Variants in NDST4 observed in about 807,000 individuals in gnomAD.
The protein encoded by NDST4 is N-deacetylase and N-sulfotransferase 4.
Under a neutral mutation model 100.8 loss-of-function variants are expected in NDST4, and 63 were observed. That is an observed-to-expected ratio of 0.62 (90% CI 0.51 to 0.77). NDST4 has a LOEUF of 0.77. Ranked by LOEUF, NDST4 falls within the 30% of genes least tolerant of loss-of-function variation. The pLI, the probability that NDST4 is intolerant of heterozygous loss-of-function variation, is 0.00. For missense variants in NDST4, 943 were observed against 1,018.4 expected, an observed-to-expected ratio of 0.93 and a Z score of 1.01; for synonymous variants, 377 against 361.8, an observed-to-expected ratio of 1.04 and a Z score of -0.48.
At chr4:114,986,830 A>ATATATATATATATATATATTTATT (rs1553959396) in intron 2 of NDST4, among the ~76,000 whole-genome samples, 4 of 91,960 alleles carry the variant, frequency 4.3e-5, no homozygotes, top group African/African-American at 1.7e-4. Context: ...ATATATATAT[A>ATATATATATATATATATATTTATT]TATTTTAATA....
chr4:115,059,988 G>C (rs1291572972), intron 2 of NDST4, among the ~76,000 whole-genome samples: 2 of 151,832 alleles, frequency 1.3e-5, no homozygotes, highest in African/African-American at 4.8e-5. Context: ...TTAAATGTTG[G>C]TTTTCTTCTG....
intron 2 of NDST4, among the ~76,000 whole-genome samples, chr4:115,056,544 T>C (rs1728699048): frequency 6.6e-6 from 1 of 152,092 alleles, no homozygotes. Flanking sequence ...TCATAAAGCA[T>C]TGTGAAAGGC....
chr4:114,929,680 C>T (rs1051984012), intron 6 of NDST4, among the ~76,000 whole-genome samples: 1 of 152,130 alleles, frequency 6.6e-6, no homozygotes, highest in Non-Finnish European at 1.5e-5. Flanking sequence ...ATTTATAAGA[C>T]TTACTATAGT....
At chr4:114,923,489 G>C (rs1396309421) in intron 6 of NDST4, among the ~76,000 whole-genome samples, 1 of 152,096 alleles carries the variant, frequency 6.6e-6, no homozygotes, top group African/African-American at 2.4e-5. Context: ...CTTCAGTAGA[G>C]TGAAACCTCA....
chr4:115,066,110 T>C (rs1283478927), intron 2 of NDST4, among the ~76,000 whole-genome samples: 1 of 152,200 alleles, frequency 6.6e-6, no homozygotes, highest in Non-Finnish European at 1.5e-5. Flanking sequence ...TTCTGCCTTG[T>C]AATGCAGATA....
chr4:115,085,190 G>A (rs1394807508), intron 1 of NDST4, among the ~76,000 whole-genome samples: 1 of 152,174 alleles, frequency 6.6e-6, no homozygotes, highest in Non-Finnish European at 1.5e-5. Context: ...CGTGGGGCCT[G>A]TAGCCTCTAT....
chr4:115,055,533 T>C (rs988615088), intron 2 of NDST4, among the ~76,000 whole-genome samples: 6 of 152,164 alleles, frequency 3.9e-5, no homozygotes, highest in Non-Finnish European at 7.3e-5. Flanking sequence ...TGTTTATTCA[T>C]TTGATAGCAA....
intron 1 of NDST4, among the ~76,000 whole-genome samples, chr4:115,098,389 G>C (rs1237405492): frequency 6.6e-6 from 1 of 152,142 alleles, no homozygotes; most frequent in East Asian, 1.9e-4. Context: ...AACTAAGAGG[G>C]TGGATTAAAG....
At chr4:115,074,962 C>T (rs1279916873) in intron 2 of NDST4, among the ~76,000 whole-genome samples, 2 of 152,040 alleles carry the variant, frequency 1.3e-5, no homozygotes, top group Non-Finnish European at 2.9e-5. Flanking sequence ...AGTAAAAGAT[C>T]AGGTGAGAGT....
At chr4:114,873,210 A>G (rs1724186561) in intron 6 of NDST4, among the ~76,000 whole-genome samples, 1 of 151,856 alleles carries the variant, frequency 6.6e-6, no homozygotes, top group Non-Finnish European at 1.5e-5. Flanking sequence ...GTATATTCAA[A>G]TCTTTTATTT....
At chr4:115,031,448 T>G (rs1578469049) in intron 2 of NDST4, among the ~76,000 whole-genome samples, 1 of 152,088 alleles carries the variant, frequency 6.6e-6, no homozygotes, top group African/African-American at 2.4e-5. Flanking sequence ...TTCCCAGTAA[T>G]GCCCTCTCTT....
intron 2 of NDST4, among the ~76,000 whole-genome samples, chr4:114,998,706 C>A (rs1415822409): frequency 1.3e-5 from 2 of 151,976 alleles, no homozygotes; most frequent in African/African-American, 4.8e-5. Context: ...TTTTAATATG[C>A]CCCTAAACTT....
chr4:114,868,475 C>G (rs1724080139), intron 7 of NDST4, among the ~76,000 whole-genome samples: 1 of 151,980 alleles, frequency 6.6e-6, no homozygotes, highest in Non-Finnish European at 1.5e-5. Flanking sequence ...AACTTGAAGA[C>G]TTTTGGACAT....
rs1241631952 is a variant in NDST4, at chr4:114,829,817, G to T, written c.2472C>A (p.Gly824=). ...CTGGATCCATAGGTGGATATTTTCG[G>T]CCTTTGCTTTTTCCAAGGCATTTTG... is the stretch of plus-strand genomic sequence containing the variant. ...GKTKCLGKSK[G]RKYPPMDPES... is the part of the protein sequence containing the mutation. Residue 824 remains glycine, a synonymous_variant, in exon 13 of 14, where the codon GGC becomes GGA. Coordinates refer to ENST00000264363, the MANE Select transcript of NDST4 (RefSeq NM_022569.3). 4 of 1,611,064 alleles carry T rather than the reference G, an allele frequency of 2.5e-6. No individual in the cohort carries two copies. The South Asian group carries it at 4.4e-5, about 18-fold the overall frequency.
chr4:115,106,769 G>A (rs1449150206), intron 1 of NDST4, among the ~76,000 whole-genome samples: 1 of 152,088 alleles, frequency 6.6e-6, no homozygotes, highest in African/African-American at 2.4e-5. Flanking sequence ...CATCATTCCA[G>A]CCAACTGGGT....
intron 4 of NDST4, among the ~76,000 whole-genome samples, chr4:114,948,629 A>G (rs1482480103): frequency 2.0e-5 from 3 of 152,092 alleles, no homozygotes. Context: ...GGTCATCAAT[A>G]CAGTTCTCAT....
chr4:114,847,172 C>A (rs1345214670), intron 9 of NDST4, among the ~76,000 whole-genome samples: 1 of 145,564 alleles, frequency 6.9e-6, no homozygotes, highest in Non-Finnish European at 1.5e-5. Context: ...GTCAGGAGAT[C>A]GAGACCATCC....
chr4:115,079,813 G>A (rs999767538), intron 1 of NDST4, among the ~76,000 whole-genome samples: 5 of 151,932 alleles, frequency 3.3e-5, no homozygotes, highest in South Asian at 4.1e-4. Flanking sequence ...AAATTATGTC[G>A]CTACTTTTCA....
At chr4:114,931,554 C>A (rs2126223714) in intron 6 of NDST4, among the ~76,000 whole-genome samples, 1 of 151,450 alleles carries the variant, frequency 6.6e-6, no homozygotes, top group South Asian at 2.1e-4. Flanking sequence ...TAGAAAATAT[C>A]AATGAAACTA....
Sources: gnomAD v4.1 joint callset for allele counts (sites outside exome capture counted in the v4.1 genomes callset) on GRCh38, gnomAD v4.1.1 for gene constraint, MANE v1.5 for transcripts, NCBI Gene and HGNC (gene_info 2026-07-23, HGNC 2026-07-21) for gene names.